NMT2: variants seen among roughly 807,000 people sequenced by gnomAD.
NMT2 encodes the protein glycylpeptide N-tetradecanoyltransferase 2.
NMT2 carries 35 observed loss-of-function variants against 65.4 expected under a neutral mutation model. The observed-to-expected ratio is 0.54, with a 90% CI of 0.41 to 0.71. The LOEUF (loss-of-function observed/expected upper bound fraction) is 0.71. Among genes scored for constraint, NMT2 ranks in the 30% least tolerant of loss-of-function variants. NMT2 has a pLI of 0.00. For synonymous variants in NMT2, 226 were observed against 231.8 expected (o/e 0.98, Z 0.23); for missense variants, 489 against 611.3 (o/e 0.80, Z 2.11).
chr10:15,136,042 A>G (rs1423436617), intron 2 of NMT2, among the ~76,000 whole-genome samples: 1 of 152,132 alleles, frequency 6.6e-6, no homozygotes, highest in Non-Finnish European at 1.5e-5. Flanking sequence ...AGCCTGGCCA[A>G]CACGGTGAAA....
chr10:15,106,928 T>C lies in NMT2; in HGVS notation c.*2267A>G, dbSNP rs1323326003. Among the ~76,000 whole-genome samples, 1 of 152,120 alleles carries C rather than the reference T, an allele frequency of 6.6e-6. No individual in the cohort carries two copies. Among genetic ancestry groups the C allele is most frequent in the Non-Finnish European group, 1.5e-5 (1 of 68,030 alleles). ...CCAGCACGGGAAACATAGCAAGACC[T>C]TGTCTCTACAAAAAATGAAAAACTT... On this transcript the variant is annotated 3_prime_UTR_variant, in exon 12 of 12. Coordinates refer to ENST00000378165, the MANE Select transcript of NMT2 (RefSeq NM_004808.3).
At chr10:15,132,762 G>T (rs1443428424) in intron 6 of NMT2, 55 bp downstream of exon 6, 38 of 1,308,844 alleles carry the variant, frequency 2.9e-5, no homozygotes, top group Non-Finnish European at 3.8e-5. Flanking sequence ...TAATCTAATT[G>T]TAATTCTTAG....
At chr10:15,162,251 CA>C (rs35457996) in intron 1 of NMT2, among the ~76,000 whole-genome samples, 5,706 of 68,248 alleles carry the variant, frequency 0.084, 66 homozygotes, top group African/African-American at 0.15. Context: ...GACCTTGTCT[CA>C]AAAAAAAAAA....
intron 1 of NMT2, among the ~76,000 whole-genome samples, chr10:15,163,140 T>C (rs1422667693): frequency 2.6e-5 from 4 of 152,118 alleles, no homozygotes; most frequent in Non-Finnish European, 4.4e-5. Flanking sequence ...CTTGAATTCT[T>C]GGCCTCAAGC....
At chr10:15,151,768 T>C (rs1832810129) in intron 1 of NMT2, among the ~76,000 whole-genome samples, 1 of 152,188 alleles carries the variant, frequency 6.6e-6, no homozygotes, top group Admixed American at 6.5e-5. Flanking sequence ...CTCATGCCGG[T>C]AATCCCAGCA....
At chr10:15,144,033 G>A (rs527354207) in intron 1 of NMT2, among the ~76,000 whole-genome samples, 1 of 150,542 alleles carries the variant, frequency 6.6e-6, no homozygotes, top group African/African-American at 2.4e-5. Flanking sequence ...CCTGTTCAAT[G>A]AGGTTTCCAA....
At chr10:15,160,344 C>G (rs1833145582) in intron 1 of NMT2, among the ~76,000 whole-genome samples, 1 of 152,104 alleles carries the variant, frequency 6.6e-6, no homozygotes, top group African/African-American at 2.4e-5. Context: ...AAAGAGCACC[C>G]TAAGGACACA....
At chr10:15,130,566 T>C (rs981966185) in intron 6 of NMT2, among the ~76,000 whole-genome samples, 4 of 151,746 alleles carry the variant, frequency 2.6e-5, no homozygotes, top group Non-Finnish European at 4.4e-5. Flanking sequence ...CAGCCAGTCA[T>C]GTTGCCGCAT....
chr10:15,123,822 G>A (rs542099638), intron 8 of NMT2, among the ~76,000 whole-genome samples: 131 of 152,216 alleles, frequency 8.6e-4, no homozygotes, highest in African/African-American at 3.1e-3. Flanking sequence ...GGGCCTCTAC[G>A]TAGATTGAAA....
intron 8 of NMT2, among the ~76,000 whole-genome samples, chr10:15,125,916 T>C (rs183477174): frequency 0.036 from 5,486 of 152,066 alleles, 182 homozygotes; most frequent in African/African-American, 0.08. Context: ...CTGCCCGCCT[T>C]GGCCTCCCAA....
At chr10:15,116,237 A>G (rs1195528107) in intron 9 of NMT2, among the ~76,000 whole-genome samples, 1 of 152,226 alleles carries the variant, frequency 6.6e-6, no homozygotes, top group Non-Finnish European at 1.5e-5. Context: ...GTGTTCTTTA[A>G]CCATAATTGA....
At chr10:15,145,790 T>C (rs966038250) in intron 1 of NMT2, among the ~76,000 whole-genome samples, 5 of 152,290 alleles carry the variant, frequency 3.3e-5, no homozygotes, top group East Asian at 1.9e-4. Flanking sequence ...GATGATGTTA[T>C]GGCCAGAGCA....
At position 15,109,632 on chromosome 10, in the gene NMT2, A is replaced by T; in HGVS notation, c.1476+70T>A. ...AATAAAATAAAGCTGTCTTAAGTCT[A>T]AGTGAAGCAAGTATGAAATTGTCTA... On this transcript the variant is annotated intron_variant, in intron 11 of 11. Transcript: ENST00000378165. 3.3e-6 allele frequency: 4 copies of T among 1,207,830 alleles called. No homozygotes were observed. The Admixed American group carries it at 1.1e-4, about 32-fold the overall frequency. 74.8% of individuals were successfully genotyped at this position (1,207,830 alleles called of 1,614,324 possible).
Position 15,145,607 on chromosome 10 carries a change from T to C in NMT2, c.111-4050A>G, listed in dbSNP as rs969315023. ...GTTGGCCAGGACAGTCTCAAACTCC[T>C]GACCTCAAGTGATCCACCCGCCTCA... On this transcript the variant is annotated intron_variant, in intron 1 of 11. Coordinates refer to ENST00000378165, the MANE Select transcript of NMT2 (RefSeq NM_004808.3). Among the ~76,000 whole-genome samples the C allele has an allele frequency of 2.6e-5, 4 of 152,208 alleles. No individual in the cohort carries two copies. The South Asian group carries it at 8.3e-4, about 32-fold the overall frequency.
intron 1 of NMT2, among the ~76,000 whole-genome samples, chr10:15,158,053 G>A (rs1239146594): frequency 6.6e-6 from 1 of 152,130 alleles, no homozygotes; most frequent in Non-Finnish European, 1.5e-5. Context: ...GGTGGCTCAC[G>A]CTTGTAGACC....
Position 15,155,232 on chromosome 10 carries a change from G to C in NMT2, c.110+13271C>G, listed in dbSNP as rs778482936. The C allele has an allele frequency of 1.1e-4, 164 of 1,512,028 alleles. 5 individuals are homozygous for C. The South Asian group carries it at 1.7e-3, about 16-fold the overall frequency. 93.7% of individuals were successfully genotyped at this position (1,512,028 alleles called of 1,614,324 possible). On this transcript the variant is annotated intron_variant, in intron 1 of 11. Transcript: ENST00000378165. ...CAGAGCACGAAAGTTTTCTGTCTTT[G>C]GAAACTTGTCTGCAAACAGTTCGAA...
intron 1 of NMT2, among the ~76,000 whole-genome samples, chr10:15,142,303 A>G (rs1449676682): frequency 1.3e-5 from 2 of 152,196 alleles, no homozygotes; most frequent in African/African-American, 4.8e-5. Context: ...CATGCCTGTA[A>G]TCCCAGCACT....
rs1304169490 is a variant in NMT2 at position 15,106,583 on chromosome 10, C to T, written c.*2612G>A. The T allele has an allele frequency of 2.8e-5, 26 of 939,166 alleles. No individual in the cohort carries two copies. Among genetic ancestry groups the T allele is most frequent in the Admixed American group, 6.2e-5 (1 of 16,208 alleles). The allele number at this position is 939,166 out of a possible 1,614,324, so 58.2% of individuals were successfully genotyped here. On this transcript the variant is annotated 3_prime_UTR_variant, in exon 12 of 12. Coordinates refer to ENST00000378165, the MANE Select transcript of NMT2 (RefSeq NM_004808.3). ...ATTATGTACTACTGTGGGGCCCAGT[C>T]GCCCTCTGGTGGTAGTCTCAGGGAT...
chr10:15,115,837 G>C (rs185438948), intron 9 of NMT2, among the ~76,000 whole-genome samples: 87 of 152,316 alleles, frequency 5.7e-4, no homozygotes, highest in African/African-American at 1.9e-3. Flanking sequence ...TTATTAGAAA[G>C]AGAGGTATTA....
Sources: gnomAD v4.1 joint callset for allele counts (sites outside exome capture counted in the v4.1 genomes callset) on GRCh38, gnomAD v4.1.1 for gene constraint, MANE v1.5 for transcripts, NCBI Gene and HGNC (gene_info 2026-07-23, HGNC 2026-07-21) for gene names.